IGF2BP3: variants seen among roughly 807,000 people sequenced by gnomAD.
IGF2BP3 encodes the protein insulin like growth factor 2 mRNA binding protein 3.
IGF2BP3 carries 9 observed loss-of-function variants against 73.8 expected under a neutral mutation model. That is an observed-to-expected ratio of 0.12 (90% CI 0.07 to 0.21). IGF2BP3 has a LOEUF of 0.21. IGF2BP3 is among the 10% of genes least tolerant of loss of function. IGF2BP3 has a pLI of 1.00. For synonymous variants in IGF2BP3, 258 were observed against 256.7 expected (o/e 1.01, Z -0.05); for missense variants, 542 against 714.0 (o/e 0.76, Z 2.75).
intron 2 of IGF2BP3, among the ~76,000 whole-genome samples, chr7:23,463,615 T>C (rs1431330296): frequency 6.6e-6 from 1 of 152,204 alleles, no homozygotes; most frequent in Non-Finnish European, 1.5e-5. Context: ...AGAATGTAAC[T>C]GATCACACAA....
chr7:23,456,739 T>G (rs1788328380), intron 2 of IGF2BP3, among the ~76,000 whole-genome samples: 1 of 152,216 alleles, frequency 6.6e-6, no homozygotes, highest in Admixed American at 6.5e-5. Context: ...TTATAACTAA[T>G]TATGTCAACA....
At chr7:23,464,565 T>G (rs1234271921) in intron 2 of IGF2BP3, among the ~76,000 whole-genome samples, 1 of 151,932 alleles carries the variant, frequency 6.6e-6, no homozygotes, top group East Asian at 1.9e-4. Flanking sequence ...ATGCCTGTAA[T>G]CCCAGCTACT....
At chr7:23,445,143 C>T (rs1176426407) in intron 2 of IGF2BP3, among the ~76,000 whole-genome samples, 2 of 152,192 alleles carry the variant, frequency 1.3e-5, no homozygotes, top group Non-Finnish European at 2.9e-5. Flanking sequence ...CACAGATGCT[C>T]ACATATACAT....
intron 5 of IGF2BP3, among the ~76,000 whole-genome samples, chr7:23,360,254 C>T (rs1785192312): frequency 6.6e-6 from 1 of 152,126 alleles, no homozygotes; most frequent in Non-Finnish European, 1.5e-5. Flanking sequence ...AAAACAGATT[C>T]ACTACAATAT....
At chr7:23,331,976 C>T (rs1035948117) in intron 10 of IGF2BP3, among the ~76,000 whole-genome samples, 4 of 151,656 alleles carry the variant, frequency 2.6e-5, no homozygotes, top group African/African-American at 9.7e-5. Context: ...TCTTACTTGG[C>T]GGCAGGAGGG....
At chr7:23,450,601 T>C (rs993418759) in intron 2 of IGF2BP3, 9 of 152,176 alleles carry the variant, frequency 5.9e-5, no homozygotes, top group African/African-American at 2.2e-4. Flanking sequence ...ACAAAAAAAA[T>C]TCACTGATAT....
chr7:23,429,196 T>A lies in IGF2BP3; in HGVS notation c.237-10372A>T, dbSNP rs186316122. On this transcript the variant is annotated intron_variant, in intron 2 of 14. Coordinates refer to ENST00000258729, the MANE Select transcript of IGF2BP3 (RefSeq NM_006547.3). ...GGAAAGAAAATAAACCATGGGTTCA[T>A]ACTGATTATTTCCAACTCAGATTTT... 9.8e-5 allele frequency among the ~76,000 whole-genome samples: 15 copies of A among 152,336 alleles called. No homozygotes were observed. The East Asian group carries it at 2.9e-3, about 29-fold the overall frequency.
At chr7:23,464,701 TAAAAATAA>T (rs1562766910) in intron 2 of IGF2BP3, among the ~76,000 whole-genome samples, 19 of 134,604 alleles carry the variant, frequency 1.4e-4, no homozygotes, top group African/African-American at 4.4e-4. Context: ...AATAAATAAA[TAAAAATAA>T]AAATAAAAAT....
chr7:23,354,194 T>C (rs1785034884), intron 5 of IGF2BP3, among the ~76,000 whole-genome samples: 1 of 152,202 alleles, frequency 6.6e-6, no homozygotes, highest in Non-Finnish European at 1.5e-5. Flanking sequence ...GGTTTTGCTA[T>C]GTTGGCCAGG....
At chr7:23,349,827 A>T (rs748998155) in intron 6 of IGF2BP3, among the ~76,000 whole-genome samples, 2 of 152,212 alleles carry the variant, frequency 1.3e-5, no homozygotes, top group Non-Finnish European at 2.9e-5. Flanking sequence ...GAGTAGCTCG[A>T]AAAGGAACAA....
At chr7:23,425,710 G>A (rs1336404346) in intron 2 of IGF2BP3, among the ~76,000 whole-genome samples, 2 of 152,182 alleles carry the variant, frequency 1.3e-5, no homozygotes, top group Non-Finnish European at 2.9e-5. Flanking sequence ...GAAGATAATT[G>A]CATGCTTCTC....
chr7:23,366,490 T>A (rs1000915885), intron 3 of IGF2BP3, among the ~76,000 whole-genome samples: 7 of 150,982 alleles, frequency 4.6e-5, no homozygotes, highest in African/African-American at 7.3e-5. Context: ...GCACTTTTTT[T>A]AAATGGTGAG....
chr7:23,327,930 C>T (rs1419512228), intron 10 of IGF2BP3, among the ~76,000 whole-genome samples: 3 of 152,178 alleles, frequency 2.0e-5, no homozygotes, highest in Non-Finnish European at 4.4e-5. Flanking sequence ...GACACACAGG[C>T]CGTGCCACTC....
At chr7:23,368,077 C>A (rs1785431926) in intron 3 of IGF2BP3, among the ~76,000 whole-genome samples, 1 of 151,736 alleles carries the variant, frequency 6.6e-6, no homozygotes, top group Admixed American at 6.6e-5. Flanking sequence ...ATGAAAAATG[C>A]AAAGATTATC....
chr7:23,440,398 T>A (rs1015783519), intron 2 of IGF2BP3, among the ~76,000 whole-genome samples: 3 of 152,224 alleles, frequency 2.0e-5, no homozygotes, highest in Admixed American at 1.3e-4. Flanking sequence ...ATCGTGCCAC[T>A]GCACTCCAGC....
intron 12 of IGF2BP3, 26 bp downstream of exon 12, chr7:23,317,613 C>A: frequency 6.3e-7 from 1 of 1,575,572 alleles, no homozygotes; most frequent in East Asian, 2.2e-5. Context: ...TACCTGTGGA[C>A]ATAGCACATA....
intron 5 of IGF2BP3, among the ~76,000 whole-genome samples, chr7:23,358,442 A>G (rs274064): frequency 0.093 from 14,193 of 152,192 alleles, 1,446 homozygotes; most frequent in African/African-American, 0.26. Flanking sequence ...CATGTTTGGA[A>G]CCCATGGAGC....
intron 2 of IGF2BP3, 92 bp from the exon 3 acceptor site, chr7:23,418,916 T>G (rs1787268480): frequency 6.3e-6 from 5 of 792,914 alleles, no homozygotes; most frequent in Non-Finnish European, 1.0e-5. Context: ...ACTTAAAATA[T>G]TAACTCTATA....
At chr7:23,355,213 CTTTTTATTTTTA>C (rs940620856) in intron 5 of IGF2BP3, among the ~76,000 whole-genome samples, 1 of 145,830 alleles carries the variant, frequency 6.9e-6, no homozygotes. Context: ...CTGGTTTTGT[CTTTTTATTTTTA>C]TTTTTTTTTT....
Sources: allele counts gnomAD v4.1 joint callset (sites outside exome capture counted in the v4.1 genomes callset), GRCh38; gene constraint gnomAD v4.1.1; transcripts MANE v1.5; gene names NCBI Gene and HGNC (gene_info 2026-07-23, HGNC 2026-07-21).